Variants in TIAM1 observed in about 807,000 individuals in gnomAD.
TIAM1 encodes TIAM Rac1 associated GEF 1, also known as rho guanine nucleotide exchange factor TIAM1.
In TIAM1, 65 loss-of-function variants were observed where a neutral mutation model predicts 163.5. The ratio of observed to expected loss-of-function variants is 0.40; its 90% CI spans 0.33 to 0.49. TIAM1 has a LOEUF of 0.49. Among genes scored for constraint, TIAM1 ranks in the 20% least tolerant of loss-of-function variants. The pLI, the probability that TIAM1 is intolerant of heterozygous loss-of-function variation, is 0.77. For missense variants in TIAM1, 1,789 were observed against 2,044.7 expected (o/e 0.87, Z 2.41); for synonymous variants, 833 against 810.1 (o/e 1.03, Z -0.48).
At chr21:31,191,004 G>A (rs1049431369) in intron 13 of TIAM1, among the ~76,000 whole-genome samples, 3 of 152,194 alleles carry the variant, frequency 2.0e-5, no homozygotes, top group South Asian at 4.1e-4. Context: ...CGACTCTGCG[G>A]TAGCTTTTAA....
At chr21:31,233,353 C>G (rs558099280) in intron 6 of TIAM1, among the ~76,000 whole-genome samples, 2 of 152,134 alleles carry the variant, frequency 1.3e-5, no homozygotes, top group Non-Finnish European at 2.9e-5. Context: ...CTTGTTGATT[C>G]TATACTCATC....
intron 9 of TIAM1, among the ~76,000 whole-genome samples, chr21:31,215,568 G>GAAAAAAAAAAAAAAAAAAAAA (rs398040071): frequency 1.3e-5 from 1 of 75,544 alleles, no homozygotes; most frequent in Non-Finnish European, 2.9e-5. Flanking sequence ...TCTCAAAAAA[G>GAAAAAAAAAAAAAAAAAAAAA]AAAAAAAAAA....
intron 1 of TIAM1, among the ~76,000 whole-genome samples, chr21:31,546,350 G>A (rs1346405990): frequency 6.6e-6 from 1 of 151,988 alleles, no homozygotes; most frequent in African/African-American, 2.4e-5. Flanking sequence ...AGGAGTTCGA[G>A]ACCAGCCTGG....
chr21:31,271,640 C>T (rs2073061201), intron 3 of TIAM1, among the ~76,000 whole-genome samples: 1 of 152,166 alleles, frequency 6.6e-6, no homozygotes, highest in African/African-American at 2.4e-5. Context: ...CAGTTCCTAT[C>T]TTCCTCTTCC....
At chr21:31,387,708 C>T (rs907183092) in intron 2 of TIAM1, among the ~76,000 whole-genome samples, 2 of 152,102 alleles carry the variant, frequency 1.3e-5, no homozygotes, top group African/African-American at 2.4e-5. Context: ...CAGTGGTGGG[C>T]GGCTCTGTAA....
At chr21:31,185,294 C>T (rs549773330) in intron 14 of TIAM1, among the ~76,000 whole-genome samples, 9 of 151,092 alleles carry the variant, frequency 6.0e-5, no homozygotes, top group Non-Finnish European at 8.8e-5. Context: ...TGTCAGAATG[C>T]AACCTTCTTT....
intron 2 of TIAM1, among the ~76,000 whole-genome samples, chr21:31,322,500 G>C (rs1394469345): frequency 6.6e-6 from 1 of 152,100 alleles, no homozygotes; most frequent in East Asian, 1.9e-4. Flanking sequence ...CTGAAGCCTG[G>C]AGAATGACAG....
chr21:31,398,510 A>T (rs1009593538), intron 2 of TIAM1, among the ~76,000 whole-genome samples: 5 of 152,258 alleles, frequency 3.3e-5, no homozygotes, highest in Non-Finnish European at 7.3e-5. Flanking sequence ...TGTATTCTCC[A>T]TCACACTTCA....
chr21:31,503,614 G>A (rs1392076592), intron 1 of TIAM1, among the ~76,000 whole-genome samples: 19 of 4,250 alleles, frequency 4.5e-3, no homozygotes, highest in African/African-American at 5.4e-3. Context: ...GGGAGGGGAG[G>A]GACCTGAAAT....
intron 2 of TIAM1, among the ~76,000 whole-genome samples, chr21:31,351,943 CT>C (rs2076241319): frequency 6.6e-6 from 1 of 151,956 alleles, no homozygotes; most frequent in South Asian, 2.1e-4. Flanking sequence ...TGGTGTGTGC[CT>C]GTACTCCCAG....
intron 11 of TIAM1, among the ~76,000 whole-genome samples, chr21:31,203,346 C>A (rs1260276489): frequency 1.3e-5 from 2 of 152,220 alleles, no homozygotes; most frequent in African/African-American, 2.4e-5. Flanking sequence ...TGGTCTCGAA[C>A]TCCTGACCTC....
At chr21:31,185,520 G>T (rs192102881) in intron 14 of TIAM1, among the ~76,000 whole-genome samples, 2,139 of 136,914 alleles carry the variant, frequency 0.016, 58 homozygotes, top group African/African-American at 0.055. Context: ...TATATAATAT[G>T]CTAATATAAT....
At chr21:31,453,556 G>A (rs2147331632) in intron 2 of TIAM1, among the ~76,000 whole-genome samples, 1 of 152,100 alleles carries the variant, frequency 6.6e-6, no homozygotes, top group African/African-American at 2.4e-5. Flanking sequence ...AGCCGGGTGT[G>A]GTGGCGCACG....
intron 4 of TIAM1, among the ~76,000 whole-genome samples, chr21:31,259,360 C>G (rs989918513): frequency 2.0e-5 from 3 of 151,954 alleles, no homozygotes; most frequent in African/African-American, 4.8e-5. Flanking sequence ...TGGTCTTGAA[C>G]TCCTGAGCTC....
In TIAM1 at chr21:31,189,044, CTTTTTTTTTTTTTTTTT is replaced by C. The variant is rs58786753; in HGVS notation, c.2576-1974_2576-1958del. ...TCAGGTATGATTTGCTCCATTCCCTCTTTTTTTTTTTTTTTTTTTTTTTTTTTTGAGATGGAGTCTCA... is the reference window on the plus strand; with the variant it reads ...TCAGGTATGATTTGCTCCATTCCCTCTTTTTTTTTTTGAGATGGAGTCTCA... On this transcript the variant is annotated intron_variant, in intron 13 of 27. Transcript: ENST00000541036. Among the ~76,000 whole-genome samples the C allele has an allele frequency of 1.4e-4, 10 of 70,086 alleles. 1 individual carries two copies. The highest frequency in any genetic ancestry group is 5.7e-5 in the African/African-American group (1 of 17,504). 46.0% of individuals were successfully genotyped at this position (70,086 alleles called of 152,430 possible).
At position 31,120,427 on chromosome 21, in the gene TIAM1, C is replaced by T; in HGVS notation, c.4717G>A (p.Val1573Ile). ...AAGTCTTCACGCCTAACCCAAATGA[C>T]TTCCTCGCTTGCGCTCTCCAGGCCT... ...NGGLESASEEVIWVRREDFAP... is the reference protein window; with the variant it reads ...NGGLESASEEIIWVRREDFAP... Residue 1573 changes from valine to isoleucine, a missense_variant, in exon 28 of 28, where the codon GTC becomes ATC. This residue lies in a region of TIAM1 where 415 missense variants were observed against 439.2 expected (regional missense o/e 0.94). Transcript: ENST00000541036. The surrounding 1 kb of genome is among the most constrained non-coding windows in gnomAD (Gnocchi z 4.2). 6.2e-7 allele frequency: 1 copy of T among 1,614,172 alleles called. No homozygotes were observed.
chr21:31,333,756 C>A (rs1315729719), intron 2 of TIAM1, among the ~76,000 whole-genome samples: 1 of 152,166 alleles, frequency 6.6e-6, no homozygotes, highest in Admixed American at 6.5e-5. Flanking sequence ...CTTATGAATT[C>A]TTGATGGTAT....
chr21:31,185,443 AT>A (rs2085246459), intron 14 of TIAM1, among the ~76,000 whole-genome samples: 1 of 145,274 alleles, frequency 6.9e-6, no homozygotes, highest in Non-Finnish European at 1.5e-5. Context: ...ATATATAATT[AT>A]ATTAACGATT....
intron 11 of TIAM1, among the ~76,000 whole-genome samples, chr21:31,208,508 A>G (rs940751906): frequency 6.6e-6 from 1 of 152,210 alleles, no homozygotes; most frequent in Non-Finnish European, 1.5e-5. Flanking sequence ...TTGTTAAGTA[A>G]TTAACATGAA....
Sources: gnomAD v4.1 joint callset for allele counts (sites outside exome capture counted in the v4.1 genomes callset) on GRCh38, gnomAD v4.1.1 for gene constraint, gnomAD v4.1.1 regional missense constraint, Gnocchi (gnomAD v3.1) non-coding constraint, MANE v1.5 for transcripts, NCBI Gene and HGNC (gene_info 2026-07-23, HGNC 2026-07-21) for gene names.